Variants in STK32B observed in about 807,000 individuals in gnomAD.
STK32B encodes serine/threonine-protein kinase 32B.
In STK32B, 43 loss-of-function variants were observed where a neutral mutation model predicts 52.6. The observed-to-expected ratio is 0.82, with a 90% CI of 0.64 to 1.05. The LOEUF is 1.05. STK32B is among the 50% of genes least tolerant of loss of function. STK32B has a pLI of 0.00. For synonymous variants in STK32B, 238 were observed against 204.3 expected (o/e 1.17, Z -1.41); for missense variants, 621 against 534.6 (o/e 1.16, Z -1.59).
chr4:5,146,502 C>G (rs1009164479), intron 2 of STK32B, among the ~76,000 whole-genome samples: 2 of 152,174 alleles, frequency 1.3e-5, no homozygotes, highest in Non-Finnish European at 2.9e-5. Context: ...CTTTTTCTAG[C>G]TGGACTGGCA....
At chr4:5,128,534 AGCG>A (rs1450659725) in intron 1 of STK32B, among the ~76,000 whole-genome samples, 2 of 152,160 alleles carry the variant, frequency 1.3e-5, no homozygotes, top group Non-Finnish European at 2.9e-5. Context: ...AAGAGTGTGG[AGCG>A]AGGGGTAAAA....
chr4:5,453,939 A>G lies in STK32B; in HGVS notation c.667-2868A>G, dbSNP rs977087732. On this transcript the variant is annotated intron_variant, in intron 7 of 11. Transcript: ENST00000282908. The surrounding 1 kb of genome is among the most constrained non-coding windows in gnomAD (Gnocchi z 4.0). ...GAAGTCCAAAACTGAACTCAGCCCC[A>G]GCTCATCTCCCAGTGGTAGCCCTGA... is the stretch of plus-strand genomic sequence containing the variant. Among the ~76,000 whole-genome samples the G allele has an allele frequency of 6.6e-6, 1 of 151,972 alleles. No homozygotes were observed. Among genetic ancestry groups the G allele is most frequent in the African/African-American group, 2.4e-5 (1 of 41,364 alleles).
intron 3 of STK32B, among the ~76,000 whole-genome samples, chr4:5,253,806 A>G (rs376698163): frequency 3.9e-5 from 6 of 152,354 alleles, no homozygotes; most frequent in East Asian, 1.9e-4. Flanking sequence ...TGTCACAACT[A>G]AAGAGAAAAG....
At chr4:5,310,377 A>T (rs553188142) in intron 3 of STK32B, among the ~76,000 whole-genome samples, 3 of 152,314 alleles carry the variant, frequency 2.0e-5, no homozygotes, top group Middle Eastern at 3.4e-3. Context: ...AAAATGGCAA[A>T]TGAACTTAAT....
chr4:5,425,009 C>T (rs1454796411), intron 6 of STK32B, among the ~76,000 whole-genome samples: 2 of 152,216 alleles, frequency 1.3e-5, no homozygotes, highest in Non-Finnish European at 2.9e-5. Flanking sequence ...GGTCCAGACG[C>T]AGCCTTGGAG....
At chr4:5,316,034 A>G (rs1730659243) in intron 3 of STK32B, among the ~76,000 whole-genome samples, 1 of 146,956 alleles carries the variant, frequency 6.8e-6, no homozygotes. Context: ...GAGAGCTGAC[A>G]TTAATAAGGC....
intron 1 of STK32B, among the ~76,000 whole-genome samples, chr4:5,069,803 C>T (rs1711642115): frequency 6.6e-6 from 1 of 152,178 alleles, no homozygotes; most frequent in South Asian, 2.1e-4. Flanking sequence ...ATTTTGGGAT[C>T]ACACAAGTCT....
intron 3 of STK32B, among the ~76,000 whole-genome samples, chr4:5,275,460 C>G (rs1277425005): frequency 6.6e-6 from 1 of 152,174 alleles, no homozygotes; most frequent in Non-Finnish European, 1.5e-5. Flanking sequence ...CACTCTCTCA[C>G]CCAGCCAGGG....
chr4:5,486,388 G>A (rs1239264235), intron 11 of STK32B, among the ~76,000 whole-genome samples: 1 of 152,218 alleles, frequency 6.6e-6, no homozygotes, highest in Non-Finnish European at 1.5e-5. Flanking sequence ...CTCCCAGCCA[G>A]GCGCGGGATG....
intron 1 of STK32B, among the ~76,000 whole-genome samples, chr4:5,123,881 C>T (rs1202336723): frequency 6.6e-6 from 1 of 152,116 alleles, no homozygotes; most frequent in Non-Finnish European, 1.5e-5. Flanking sequence ...ATCTCCTCAT[C>T]CTCATGTCAT....
At chr4:5,294,686 A>G (rs6845427) in intron 3 of STK32B, among the ~76,000 whole-genome samples, 49,227 of 151,850 alleles carry the variant, frequency 0.32, 12,915 homozygotes, top group African/African-American at 0.73. Context: ...AGACGATGGG[A>G]TTTTCTAAAT....
intron 2 of STK32B, among the ~76,000 whole-genome samples, chr4:5,164,278 A>C (rs1577127836): frequency 6.6e-6 from 1 of 152,148 alleles, no homozygotes; most frequent in Admixed American, 6.5e-5. Context: ...GCTGCTGGCC[A>C]GCCTCGGCAT....
intron 4 of STK32B, among the ~76,000 whole-genome samples, chr4:5,388,081 C>T (rs1451281394): frequency 2.0e-5 from 3 of 152,138 alleles, no homozygotes; most frequent in African/African-American, 7.2e-5. Flanking sequence ...ATGGAGAAGT[C>T]GCTTCACCTC....
At position 5,405,777 on chromosome 4, in the gene STK32B, T is replaced by C. The variant is rs371485006; in HGVS notation, c.472+7533T>C. 4.6e-5 allele frequency among the ~76,000 whole-genome samples: 7 copies of C among 152,206 alleles called. No individual in the cohort carries two copies. The East Asian group carries it at 5.8e-4, about 13-fold the overall frequency. On this transcript the variant is annotated intron_variant, in intron 5 of 11. Coordinates refer to ENST00000282908, the MANE Select transcript of STK32B (RefSeq NM_018401.3). ...GCAAAAGAGAAATCCACCCTTAGGATCCAATCACCTCCCACCAGGCCCCTC... is the reference window on the plus strand; with the variant it reads ...GCAAAAGAGAAATCCACCCTTAGGACCCAATCACCTCCCACCAGGCCCCTC...
chr4:5,107,637 CTA>C (rs1278515144), intron 1 of STK32B, among the ~76,000 whole-genome samples: 1 of 152,176 alleles, frequency 6.6e-6, no homozygotes, highest in Non-Finnish European at 1.5e-5. Flanking sequence ...ATCATTCTTT[CTA>C]TGTTTAGTAA....
At chr4:5,029,547 A>G in the STK32B span, among the ~76,000 whole-genome samples, 4 of 152,160 alleles carry the variant, frequency 2.6e-5, no homozygotes, top group Non-Finnish European at 5.9e-5. Flanking sequence ...CTAGGGCTGT[A>G]AGCAATGGGG....
chr4:5,150,430 T>C (rs541889179), intron 2 of STK32B, among the ~76,000 whole-genome samples: 2 of 152,286 alleles, frequency 1.3e-5, no homozygotes, highest in East Asian at 3.9e-4. Flanking sequence ...AGTTTTGTCT[T>C]ACATCCTGGA....
chr4:5,363,089 C>T (rs1734654637), intron 4 of STK32B, among the ~76,000 whole-genome samples: 1 of 152,220 alleles, frequency 6.6e-6, no homozygotes, highest in African/African-American at 2.4e-5. Flanking sequence ...TAACACATTT[C>T]TTCCACTAGG....
the STK32B span, among the ~76,000 whole-genome samples, chr4:5,021,357 C>A: frequency 1.3e-5 from 2 of 152,210 alleles, no homozygotes; most frequent in African/African-American, 4.8e-5. Flanking sequence ...GGGACCGCGG[C>A]CTTCGGGCAG....
Sources: gnomAD v4.1 joint callset for allele counts (sites outside exome capture counted in the v4.1 genomes callset) on GRCh38, gnomAD v4.1.1 for gene constraint, Gnocchi (gnomAD v3.1) non-coding constraint, MANE v1.5 for transcripts, NCBI Gene and HGNC (gene_info 2026-07-23, HGNC 2026-07-21) for gene names.